The following TMEM132D variants were observed in gnomAD, a reference collection of about 807,000 sequenced individuals.
TMEM132D encodes transmembrane protein 132D.
A neutral mutation model predicts 62.3 loss-of-function variants in TMEM132D; 21 were observed. The observed-to-expected ratio is 0.34, with a 90% confidence interval of 0.24 to 0.49. The LOEUF is 0.49. Ranked by LOEUF, TMEM132D falls within the 20% of genes least tolerant of loss-of-function variation. TMEM132D has a pLI of 0.99. For missense variants in TMEM132D, 1,346 were observed against 1,402.8 expected, an observed-to-expected ratio of 0.96 and a Z score of 0.65; for synonymous variants, 621 against 575.6, an observed-to-expected ratio of 1.08 and a Z score of -1.13.
intron 4 of TMEM132D, among the ~76,000 whole-genome samples, chr12:129,269,687 C>CT (rs1880800010): frequency 6.6e-6 from 1 of 152,118 alleles, no homozygotes; most frequent in African/African-American, 2.4e-5. Context: ...TAACAAAACC[C>CT]CCCCAGTTAC....
intron 5 of TMEM132D, among the ~76,000 whole-genome samples, chr12:129,170,416 C>G (rs1305780544): frequency 2.0e-5 from 3 of 152,174 alleles, no homozygotes; most frequent in Admixed American, 2.0e-4. Flanking sequence ...AAGAGAGTTA[C>G]AGGAATTTTT....
At chr12:129,395,135 G>A (rs1238261141) in intron 3 of TMEM132D, among the ~76,000 whole-genome samples, 2 of 152,148 alleles carry the variant, frequency 1.3e-5, no homozygotes, top group African/African-American at 2.4e-5. Context: ...ACACAAAAGA[G>A]AAATTAATTT....
intron 2 of TMEM132D, among the ~76,000 whole-genome samples, chr12:129,622,018 C>T (rs1316167841): frequency 6.6e-6 from 1 of 152,142 alleles, no homozygotes; most frequent in African/African-American, 2.4e-5. Flanking sequence ...TGGAGGGAAA[C>T]CCTCAAGTGT....
intron 3 of TMEM132D, among the ~76,000 whole-genome samples, chr12:129,376,476 A>C (rs1033001247): frequency 2.6e-5 from 4 of 152,128 alleles, no homozygotes; most frequent in Non-Finnish European, 5.9e-5. Flanking sequence ...CCATGATTCA[A>C]TTACCTCCAA....
At chr12:129,498,588 CATCTTTTT>C (rs1875034275) in intron 3 of TMEM132D, among the ~76,000 whole-genome samples, 1 of 152,184 alleles carries the variant, frequency 6.6e-6, no homozygotes, top group South Asian at 2.1e-4. Context: ...TAATTTCCAA[CATCTTTTT>C]CCTTCTCAGA....
chr12:129,384,762 G>T (rs4759526), intron 3 of TMEM132D, among the ~76,000 whole-genome samples: 1 of 152,036 alleles, frequency 6.6e-6, no homozygotes, highest in African/African-American at 2.4e-5. Context: ...GCGTTCACAC[G>T]TACGCGACAG....
Position 129,903,145 on chromosome 12 carries a change from GCA to G in TMEM132D, c.79+114_79+115del. 10 of 1,087,824 alleles carry G rather than the reference GCA, an allele frequency of 9.2e-6. No homozygotes were observed. Among genetic ancestry groups the G allele is most frequent in the Non-Finnish European group, 1.3e-5 (10 of 745,672 alleles). The allele number at this position is 1,087,824 out of a possible 1,614,324, so 67.4% of individuals were successfully genotyped here. ...CGCACACACACATGCACACAAGCGC[GCA>G]CACACACTTGCACACGAGCCCTCTC... On this transcript the variant is annotated intron_variant, in intron 1 of 8. Coordinates refer to ENST00000422113, the MANE Select transcript of TMEM132D (RefSeq NM_133448.3). This position sits in a 1 kb window ranked among gnomAD's most constrained non-coding sequence, Gnocchi z 6.2.
At chr12:129,798,539 C>G (rs1871633267) in intron 1 of TMEM132D, among the ~76,000 whole-genome samples, 1 of 152,200 alleles carries the variant, frequency 6.6e-6, no homozygotes, top group Non-Finnish European at 1.5e-5. Flanking sequence ...TTAAATGGTG[C>G]AGGATTGTTG....
intron 2 of TMEM132D, among the ~76,000 whole-genome samples, chr12:129,608,292 T>C (rs1166660211): frequency 6.6e-6 from 1 of 152,188 alleles, no homozygotes; most frequent in African/African-American, 2.4e-5. Flanking sequence ...GAGTGAGCTG[T>C]GATGCCCAGA....
intron 2 of TMEM132D, among the ~76,000 whole-genome samples, chr12:129,688,391 C>A (rs933365062): frequency 2.0e-5 from 3 of 152,136 alleles, no homozygotes; most frequent in South Asian, 2.1e-4. Flanking sequence ...ACCCTGAAAC[C>A]AGGGCCTCAC....
At chr12:129,826,554 ATCT>A (rs964546911) in intron 1 of TMEM132D, among the ~76,000 whole-genome samples, 18 of 152,154 alleles carry the variant, frequency 1.2e-4, no homozygotes, top group African/African-American at 3.9e-4. Context: ...GAAGAAAAAG[ATCT>A]TCTTTGAACT....
chr12:129,777,464 C>T (rs1870976883), intron 1 of TMEM132D, among the ~76,000 whole-genome samples: 4 of 152,224 alleles, frequency 2.6e-5, no homozygotes, highest in Admixed American at 2.0e-4. Flanking sequence ...TAACAGCTTC[C>T]TTGTTGTACC....
chr12:129,165,265 G>A (rs1420312561), intron 5 of TMEM132D, among the ~76,000 whole-genome samples: 3 of 152,182 alleles, frequency 2.0e-5, no homozygotes, highest in East Asian at 3.9e-4. Context: ...TGGTAGTGAT[G>A]TACATCTGGA....
At chr12:129,531,317 C>T (rs970195320) in intron 2 of TMEM132D, 112 bp from the exon 3 acceptor site, 1 of 1,277,756 alleles carries the variant, frequency 7.8e-7, no homozygotes, top group Non-Finnish European at 1.1e-6. Flanking sequence ...CAGGTGTAAG[C>T]TCATGTATAC....
At chr12:129,847,556 G>C (rs1258484540) in intron 1 of TMEM132D, among the ~76,000 whole-genome samples, 2 of 152,114 alleles carry the variant, frequency 1.3e-5, no homozygotes, top group African/African-American at 4.8e-5. Context: ...AATCAGCAGA[G>C]GCATCAGCTC....
At chr12:129,423,067 AT>A (rs543938966) in intron 3 of TMEM132D, among the ~76,000 whole-genome samples, 3 of 151,846 alleles carry the variant, frequency 2.0e-5, no homozygotes, top group African/African-American at 4.8e-5. Context: ...ACATATATAT[AT>A]ATGTACATCT....
chr12:129,193,667 G>C (rs571178834), intron 5 of TMEM132D, among the ~76,000 whole-genome samples: 1 of 152,356 alleles, frequency 6.6e-6, no homozygotes, highest in East Asian at 1.9e-4. Context: ...CTCATTGGAT[G>C]TTCATCAATT....
intron 4 of TMEM132D, among the ~76,000 whole-genome samples, chr12:129,272,513 G>C (rs1880880455): frequency 6.6e-6 from 1 of 151,730 alleles, no homozygotes; most frequent in South Asian, 2.1e-4. Context: ...GATAAATGGG[G>C]TATTTCTTTA....
At chr12:129,848,659 T>G (rs1230514322) in intron 1 of TMEM132D, among the ~76,000 whole-genome samples, 1 of 152,230 alleles carries the variant, frequency 6.6e-6, no homozygotes, top group Non-Finnish European at 1.5e-5. Flanking sequence ...TCACTGGGTT[T>G]GTCTTTTTGA....
Sources: gnomAD v4.1 joint callset for allele counts (sites outside exome capture counted in the v4.1 genomes callset) on GRCh38, gnomAD v4.1.1 for gene constraint, Gnocchi (gnomAD v3.1) non-coding constraint, MANE v1.5 for transcripts, NCBI Gene and HGNC (gene_info 2026-07-23, HGNC 2026-07-21) for gene names.